Variants in ANK3 observed in about 807,000 individuals in gnomAD.
ANK3 encodes the protein ankyrin 3.
ANK3 carries 57 observed loss-of-function variants against 370.9 expected under a neutral mutation model. The observed-to-expected ratio is 0.15, with a 90% CI of 0.12 to 0.19. The LOEUF is 0.19. Among genes scored for constraint, ANK3 ranks in the 10% least tolerant of loss-of-function variants. The pLI, the probability that ANK3 is intolerant of heterozygous loss-of-function variation, is 1.00. For synonymous variants in ANK3, 1,929 were observed against 1,946.3 expected (o/e 0.99, Z 0.23); for missense variants, 4,439 against 5,302.1 (o/e 0.84, Z 5.06).
At chr10:60,708,506 C>A (rs184109957) in intron 1 of ANK3, among the ~76,000 whole-genome samples, 1 of 152,240 alleles carries the variant, frequency 6.6e-6, no homozygotes, top group East Asian at 1.9e-4. Context: ...TTTCTCAGAG[C>A]AGATAGAAGA....
intron 28 of ANK3, among the ~76,000 whole-genome samples, chr10:60,089,971 C>G (rs1410271393): frequency 6.6e-6 from 1 of 151,936 alleles, no homozygotes; most frequent in East Asian, 1.9e-4. Context: ...AAAGCTAAAT[C>G]ACATCTTATT....
At chr10:60,367,822 C>A (rs1335313444) in intron 1 of ANK3, among the ~76,000 whole-genome samples, 1 of 152,172 alleles carries the variant, frequency 6.6e-6, no homozygotes, top group Non-Finnish European at 1.5e-5. Flanking sequence ...CAGTTGAAAG[C>A]ACTGATGAGG....
chr10:60,282,970 G>A (rs2098187525), intron 1 of ANK3, among the ~76,000 whole-genome samples: 1 of 152,100 alleles, frequency 6.6e-6, no homozygotes, highest in Non-Finnish European at 1.5e-5. Context: ...TTAGCCACCG[G>A]CAAACAAAAC....
At chr10:60,086,651 G>GAAGTACAGC (rs1564905993) in intron 30 of ANK3, 26 bp downstream of exon 30, 1 of 1,570,692 alleles carries the variant, frequency 6.4e-7, no homozygotes, top group Admixed American at 1.8e-5. Context: ...GAATCAATAG[G>GAAGTACAGC]AAGTACAGCA....
chr10:60,091,125 A>C (rs1255285449), intron 28 of ANK3, among the ~76,000 whole-genome samples: 1 of 152,160 alleles, frequency 6.6e-6, no homozygotes. Context: ...GCCTGGTCTC[A>C]AACTCCTGAC....
intron 21 of ANK3, among the ~76,000 whole-genome samples, chr10:60,169,227 T>A (rs1400333663): frequency 1.3e-5 from 2 of 152,184 alleles, no homozygotes; most frequent in Non-Finnish European, 2.9e-5. Context: ...GACTTTGTAA[T>A]AATTGCCATT....
At chr10:60,222,520 T>C (rs567367795) in intron 8 of ANK3, among the ~76,000 whole-genome samples, 1 of 152,302 alleles carries the variant, frequency 6.6e-6, no homozygotes, top group Admixed American at 6.5e-5. Flanking sequence ...TTCTTTGGCT[T>C]TGAAGCTGGT....
chr10:60,190,498 T>A (rs547984601), intron 16 of ANK3, among the ~76,000 whole-genome samples: 2 of 152,368 alleles, frequency 1.3e-5, no homozygotes, highest in Admixed American at 6.5e-5. Flanking sequence ...TCTCTGGTAG[T>A]GTGCTTAGCA....
chr10:60,166,229 G>C (rs1273702582), intron 23 of ANK3, among the ~76,000 whole-genome samples: 4 of 151,962 alleles, frequency 2.6e-5, no homozygotes, highest in African/African-American at 9.7e-5. Context: ...AACTTCGCTT[G>C]TTTTAAAAAA....
chr10:60,211,383 G>C (rs2096852317), intron 9 of ANK3, among the ~76,000 whole-genome samples: 1 of 152,140 alleles, frequency 6.6e-6, no homozygotes, highest in Admixed American at 6.5e-5. Flanking sequence ...GAGGCGTTAA[G>C]GATGTGGTCT....
At chr10:60,585,789 C>T (rs2077822706) in intron 2 of ANK3, among the ~76,000 whole-genome samples, 1 of 152,102 alleles carries the variant, frequency 6.6e-6, no homozygotes, top group Admixed American at 6.6e-5. Context: ...TTTGGGGGGC[C>T]AAGGTGGGTG....
At chr10:60,111,580 T>C (rs1301750120) in intron 26 of ANK3, among the ~76,000 whole-genome samples, 1 of 152,140 alleles carries the variant, frequency 6.6e-6, no homozygotes, top group Non-Finnish European at 1.5e-5. Flanking sequence ...CTACAAATGA[T>C]CCTAAAACTA....
At chr10:60,393,205 C>A (rs1478109956), upstream of ANK3, among the ~76,000 whole-genome samples, 1 of 152,086 alleles carries the variant, frequency 6.6e-6, no homozygotes, top group Admixed American at 6.5e-5. Context: ...AAAATGGTAT[C>A]CTGGAGCCCC....
At chr10:60,166,124 T>C (rs2095618727) in intron 23 of ANK3, among the ~76,000 whole-genome samples, 1 of 152,132 alleles carries the variant, frequency 6.6e-6, no homozygotes, top group South Asian at 2.1e-4. Context: ...TTTCAGGTTG[T>C]TTTCATTATC....
At chr10:60,469,222 C>CATAT (rs200328744) in intron 2 of ANK3, among the ~76,000 whole-genome samples, 1 of 10,512 alleles carries the variant, frequency 9.5e-5, no homozygotes, top group Non-Finnish European at 1.8e-4. Flanking sequence ...ACTTTTAGTG[C>CATAT]ATATATATAT....
intron 16 of ANK3, among the ~76,000 whole-genome samples, chr10:60,188,772 A>G (rs1456192698): frequency 6.6e-6 from 1 of 152,154 alleles, no homozygotes; most frequent in Admixed American, 6.5e-5. Context: ...TTATATCCCT[A>G]TTTTTAATTT....
At chr10:60,510,336 C>T (rs2076047837) in intron 2 of ANK3, among the ~76,000 whole-genome samples, 1 of 152,040 alleles carries the variant, frequency 6.6e-6, no homozygotes, top group Non-Finnish European at 1.5e-5. Flanking sequence ...GCGTGGTTTT[C>T]TCCCTCCACT....
intron 1 of ANK3, among the ~76,000 whole-genome samples, chr10:60,381,107 A>T (rs907872241): frequency 6.6e-6 from 1 of 152,154 alleles, no homozygotes; most frequent in African/African-American, 2.4e-5. Context: ...TTGGGGGATA[A>T]ATTGGTTGGT....
At chr10:60,522,977 T>C (rs1222967073) in intron 2 of ANK3, among the ~76,000 whole-genome samples, 1 of 152,038 alleles carries the variant, frequency 6.6e-6, no homozygotes, top group East Asian at 1.9e-4. Flanking sequence ...ATAAAATTTA[T>C]TTGCCTATCA....
Sources: gnomAD v4.1 joint callset for allele counts (sites outside exome capture counted in the v4.1 genomes callset) on GRCh38, gnomAD v4.1.1 for gene constraint, MANE v1.5 for transcripts, NCBI Gene and HGNC (gene_info 2026-07-23, HGNC 2026-07-21) for gene names.